Variants in EPHA6 observed in about 807,000 individuals in gnomAD.
EPHA6 encodes EPH receptor A6.
A neutral mutation model predicts 112.0 loss-of-function variants in EPHA6; 50 were observed. The observed-to-expected ratio is 0.45, with a 90% CI of 0.36 to 0.56. The LOEUF (loss-of-function observed/expected upper bound fraction) is 0.56. EPHA6 is among the 20% of genes least tolerant of loss of function. The pLI is 0.00. For missense variants in EPHA6, 1,280 were observed against 1,417.4 expected, an observed-to-expected ratio of 0.90 and a Z score of 1.56; for synonymous variants, 529 against 490.7, an observed-to-expected ratio of 1.08 and a Z score of -1.03.
In EPHA6 at chr3:96,914,695, G is replaced by T. The variant is rs967709037; in HGVS notation, c.450+47806G>T. Among the ~76,000 whole-genome samples the T allele has an allele frequency of 6.6e-5, 10 of 152,032 alleles. No homozygotes were observed. The South Asian group carries it at 1.9e-3, about 28-fold the overall frequency. On this transcript the variant is annotated intron_variant, in intron 2 of 17. Coordinates refer to ENST00000389672, the MANE Select transcript of EPHA6 (RefSeq NM_001080448.3). ...AATAAGGTATTATTAAGAAATAAAA[G>T]AAAACTGAGAGAATCTTCTTGTTTG...
intron 14 of EPHA6, among the ~76,000 whole-genome samples, chr3:97,689,072 A>G (rs905735725): frequency 1.3e-5 from 2 of 152,214 alleles, no homozygotes; most frequent in African/African-American, 4.8e-5. Flanking sequence ...CACATTGTCA[A>G]TTTTGATGGA....
At chr3:97,548,940 C>A (rs2092994154) in intron 11 of EPHA6, among the ~76,000 whole-genome samples, 1 of 152,200 alleles carries the variant, frequency 6.6e-6, no homozygotes, top group African/African-American at 2.4e-5. Flanking sequence ...AAACTCCTAT[C>A]ACCCAGTGAC....
chr3:97,637,754 C>G, intron 13 of EPHA6, 119 bp from the exon 14 acceptor site: 2 of 744,388 alleles, frequency 2.7e-6, no homozygotes, highest in Non-Finnish European at 4.5e-6. Flanking sequence ...CAGTGATCAC[C>G]AAAGTTGATG....
intron 13 of EPHA6, among the ~76,000 whole-genome samples, chr3:97,637,526 C>T (rs1488564373): frequency 6.6e-6 from 1 of 152,026 alleles, no homozygotes; most frequent in African/African-American, 2.4e-5. Context: ...AAAGTGGATT[C>T]TATTTGTTTG....
chr3:96,999,990 T>C (rs189244596), intron 3 of EPHA6, among the ~76,000 whole-genome samples: 2 of 151,984 alleles, frequency 1.3e-5, no homozygotes, highest in Admixed American at 1.3e-4. Flanking sequence ...ACCCAGCTAA[T>C]TATTGACTGA....
chr3:96,974,656 C>T (rs1408260755), intron 2 of EPHA6, among the ~76,000 whole-genome samples: 2 of 152,028 alleles, frequency 1.3e-5, no homozygotes, highest in South Asian at 2.1e-4. Flanking sequence ...ATAAATAGAA[C>T]AGAGAGACTC....
At chr3:97,424,915 G>T (rs1233354719) in intron 6 of EPHA6, among the ~76,000 whole-genome samples, 2 of 151,754 alleles carry the variant, frequency 1.3e-5, no homozygotes, top group Non-Finnish European at 2.9e-5. Flanking sequence ...AAAATGAAGA[G>T]GCTATAGGCC....
chr3:96,818,134 C>G (rs2032950150), intron 1 of EPHA6, among the ~76,000 whole-genome samples: 1 of 151,912 alleles, frequency 6.6e-6, no homozygotes, highest in South Asian at 2.1e-4. Context: ...AACATTTCAT[C>G]TTTTCAAGGA....
At chr3:97,727,661 T>C (rs1424119512) in intron 15 of EPHA6, among the ~76,000 whole-genome samples, 2 of 152,032 alleles carry the variant, frequency 1.3e-5, no homozygotes, top group Non-Finnish European at 2.9e-5. Context: ...TATTTCCACC[T>C]TCTATAATAC....
intron 7 of EPHA6, among the ~76,000 whole-genome samples, chr3:97,449,987 G>A (rs966878344): frequency 2.0e-4 from 31 of 152,160 alleles, no homozygotes; most frequent in African/African-American, 7.0e-4. Context: ...GGGAGAAAGT[G>A]CTGATGTATT....
intron 4 of EPHA6, among the ~76,000 whole-genome samples, chr3:97,236,335 G>GT (rs1002413665): frequency 6.6e-6 from 1 of 151,744 alleles, no homozygotes; most frequent in Non-Finnish European, 1.5e-5. Flanking sequence ...GAGGAATGAC[G>GT]TAAGAGTCTA....
At chr3:97,208,075 C>G (rs1461915777) in intron 3 of EPHA6, among the ~76,000 whole-genome samples, 4 of 152,138 alleles carry the variant, frequency 2.6e-5, no homozygotes, top group African/African-American at 9.7e-5. Context: ...AGAGCTATTG[C>G]AAGCAGGGCA....
At chr3:97,646,508 C>A (rs1272263241) in intron 14 of EPHA6, among the ~76,000 whole-genome samples, 6 of 152,134 alleles carry the variant, frequency 3.9e-5, no homozygotes, top group African/African-American at 1.2e-4. Context: ...TCACTGTGTA[C>A]TTTACACAGT....
In EPHA6 at chr3:97,753,469, G is replaced by C. The variant is rs1022394109; in HGVS notation, c.*4768G>C. Among the ~76,000 whole-genome samples, 6 of 152,006 alleles carry C rather than the reference G, an allele frequency of 3.9e-5. No individual in the cohort carries two copies. The highest frequency in any genetic ancestry group is 2.0e-4 in the Admixed American group (3 of 15,264). ...ACACTCCATAACCCCTCTGGCGGAG[G>C]GGAAGCATACTTCCTGGGTTCTCTA... On this transcript the variant is annotated 3_prime_UTR_variant, in exon 18 of 18. Coordinates refer to ENST00000389672, the MANE Select transcript of EPHA6 (RefSeq NM_001080448.3).
intron 3 of EPHA6, among the ~76,000 whole-genome samples, chr3:96,992,898 T>C (rs2043269058): frequency 1.3e-5 from 2 of 152,214 alleles, no homozygotes; most frequent in Non-Finnish European, 2.9e-5. Flanking sequence ...AAAGTTATTA[T>C]CACTCTCCTC....
At chr3:97,630,664 A>G (rs1319970538) in intron 13 of EPHA6, among the ~76,000 whole-genome samples, 14 of 152,202 alleles carry the variant, frequency 9.2e-5, no homozygotes, top group Admixed American at 9.2e-4. Context: ...GCAGACTTAT[A>G]GAAGCCTCTT....
intron 2 of EPHA6, among the ~76,000 whole-genome samples, chr3:96,880,355 A>C (rs2037239234): frequency 6.6e-6 from 1 of 152,110 alleles, no homozygotes; most frequent in South Asian, 2.1e-4. Context: ...GATGTGCGAG[A>C]ACATTGCATT....
At chr3:97,598,727 C>T (rs1419899149) in intron 12 of EPHA6, among the ~76,000 whole-genome samples, 15 of 151,126 alleles carry the variant, frequency 9.9e-5, no homozygotes, top group African/African-American at 2.9e-4. Flanking sequence ...AATAAACATA[C>T]GTGTGCATGT....
At chr3:97,237,895 C>T (rs958112820) in intron 4 of EPHA6, among the ~76,000 whole-genome samples, 17 of 151,848 alleles carry the variant, frequency 1.1e-4, no homozygotes, top group African/African-American at 3.9e-4. Context: ...GCCAGGTCCT[C>T]ATTATTTTAT....
Sources: allele counts gnomAD v4.1 joint callset (sites outside exome capture counted in the v4.1 genomes callset), GRCh38; gene constraint gnomAD v4.1.1; transcripts MANE v1.5; gene names NCBI Gene and HGNC (gene_info 2026-07-23, HGNC 2026-07-21).